IL1RAPL1: variants seen among roughly 807,000 people sequenced by gnomAD.
The protein encoded by IL1RAPL1 is interleukin-1 receptor accessory protein-like 1.
A neutral mutation model predicts 48.4 loss-of-function variants in IL1RAPL1; 3 were observed. That is an observed-to-expected ratio of 0.06 (90% CI 0.03 to 0.16). IL1RAPL1 has a LOEUF of 0.16. IL1RAPL1 is among the 10% of genes least tolerant of loss of function. The pLI is 1.00. For synonymous variants in IL1RAPL1, 185 were observed against 187.7 expected (o/e 0.99, Z 0.12); for missense variants, 349 against 530.6 (o/e 0.66, Z 3.36).
chrX:29,101,622 A>G (rs1180105971), intron 2 of IL1RAPL1, among the ~76,000 whole-genome samples: 1 of 111,958 alleles, frequency 8.9e-6, no homozygotes, highest in East Asian at 2.8e-4. Flanking sequence ...GAGCAGACAT[A>G]ATTCAGCAAC....
intron 2 of IL1RAPL1, among the ~76,000 whole-genome samples, chrX:28,985,703 A>G (rs1283708493): frequency 1.1e-5 from 1 of 94,482 alleles, no homozygotes; most frequent in African/African-American, 4.2e-5. Context: ...TCTGTCGCCC[A>G]GGCTGGAGTG....
intron 1 of IL1RAPL1, among the ~76,000 whole-genome samples, chrX:28,611,667 G>A (rs1165686151): frequency 8.9e-6 from 1 of 112,741 alleles, no homozygotes; most frequent in Non-Finnish European, 1.9e-5. Flanking sequence ...AAAATGTGCC[G>A]TTGGGCAAAT....
At chrX:29,719,239 A>G (rs1233675960) in intron 6 of IL1RAPL1, among the ~76,000 whole-genome samples, 2 of 112,148 alleles carry the variant, frequency 1.8e-5, no homozygotes, top group African/African-American at 6.5e-5. Context: ...CTGTCAGACA[A>G]TGTATTCTCT....
intron 3 of IL1RAPL1, among the ~76,000 whole-genome samples, chrX:29,289,456 C>G (rs1441611283): frequency 5.4e-5 from 6 of 112,041 alleles, no homozygotes; most frequent in African/African-American, 1.9e-4. Context: ...CAATACCAAA[C>G]TGTATTGATT....
At chrX:28,602,104 CAA>C (rs1168499677) in intron 1 of IL1RAPL1, among the ~76,000 whole-genome samples, 6 of 38,217 alleles carry the variant, frequency 1.6e-4, no homozygotes, top group Admixed American at 3.5e-4. Context: ...GACTCCATCT[CAA>C]AAAAAAAAAA....
At chrX:29,836,192 T>C (rs377729055) in intron 6 of IL1RAPL1, among the ~76,000 whole-genome samples, 325 of 32,113 alleles carry the variant, frequency 0.01, no homozygotes, top group African/African-American at 0.017. Flanking sequence ...ATTTTTCTTT[T>C]TTTTTTTTTT....
chrX:29,166,095 G>A (rs958556650), intron 2 of IL1RAPL1, among the ~76,000 whole-genome samples: 28 of 112,278 alleles, frequency 2.5e-4, no homozygotes, highest in African/African-American at 8.1e-4. Context: ...TCAGCATGAG[G>A]CATCAACTCT....
At chrX:29,935,630 G>A (rs1021746103) in intron 8 of IL1RAPL1, among the ~76,000 whole-genome samples, 1 of 111,526 alleles carries the variant, frequency 9.0e-6, no homozygotes, top group African/African-American at 3.3e-5. Flanking sequence ...CATTCCAAGG[G>A]TAGGCTCTAG....
At chrX:29,472,508 T>G (rs1275126521) in intron 5 of IL1RAPL1, among the ~76,000 whole-genome samples, 1 of 112,363 alleles carries the variant, frequency 8.9e-6, no homozygotes, top group Admixed American at 9.5e-5. Flanking sequence ...AAGGCCAGAC[T>G]AATTTATTTA....
chrX:29,372,773 CTTTT>C (rs1160543169), intron 3 of IL1RAPL1, among the ~76,000 whole-genome samples: 10 of 63,484 alleles, frequency 1.6e-4, no homozygotes, highest in African/African-American at 6.3e-4. Context: ...GTCTATGTGT[CTTTT>C]TTTTTTTTTT....
chrX:28,914,551 C>A (rs1469656152), intron 2 of IL1RAPL1, among the ~76,000 whole-genome samples: 2 of 111,996 alleles, frequency 1.8e-5, no homozygotes, highest in East Asian at 5.6e-4. Context: ...ATGTCACCAT[C>A]TTATTTCAGA....
At chrX:29,696,971 C>T (rs965551536) in intron 6 of IL1RAPL1, among the ~76,000 whole-genome samples, 6 of 111,692 alleles carry the variant, frequency 5.4e-5, no homozygotes, top group South Asian at 3.7e-4. Flanking sequence ...TCTATAAAGA[C>T]GTGACTACCA....
chrX:29,828,354 T>C (rs1930789581), intron 6 of IL1RAPL1, among the ~76,000 whole-genome samples: 1 of 111,969 alleles, frequency 8.9e-6, no homozygotes, highest in African/African-American at 3.2e-5. Context: ...AGAGACTAGA[T>C]GATTAAGAAG....
intron 2 of IL1RAPL1, among the ~76,000 whole-genome samples, chrX:28,910,088 G>T (rs1426412360): frequency 3.6e-5 from 4 of 111,407 alleles, no homozygotes; most frequent in Non-Finnish European, 7.6e-5. Context: ...CCACTAATTA[G>T]CTCTTCATTT....
At position 29,202,227 on chromosome X, in the gene IL1RAPL1, A is replaced by T. The variant is rs1006228349; in HGVS notation, c.83-80711A>T. 3.6e-5 allele frequency among the ~76,000 whole-genome samples: 4 copies of T among 112,199 alleles called. No homozygotes were observed. In the South Asian group the frequency reaches 1.5e-3, roughly 41 times the overall value. ...GACATGAACAGAAACTTTTCAATAG[A>T]AGACAGACATACAGCCAACAATCAT... On this transcript the variant is annotated intron_variant, in intron 2 of 10. Transcript: ENST00000378993.
chrX:28,660,042 G>C (rs1173427235), intron 1 of IL1RAPL1, among the ~76,000 whole-genome samples: 1 of 108,475 alleles, frequency 9.2e-6, no homozygotes, highest in Non-Finnish European at 1.9e-5. Flanking sequence ...CACTTCACTT[G>C]TGATAAACCG....
chrX:28,787,955 G>A (rs2147264544), intron 1 of IL1RAPL1, among the ~76,000 whole-genome samples: 1 of 111,782 alleles, frequency 8.9e-6, no homozygotes, highest in South Asian at 3.7e-4. Context: ...AAAAAGAAAA[G>A]AAGCAGAGAG....
intron 6 of IL1RAPL1, among the ~76,000 whole-genome samples, chrX:29,878,419 T>C (rs1025681135): frequency 8.9e-6 from 1 of 112,068 alleles, no homozygotes; most frequent in African/African-American, 3.2e-5. Flanking sequence ...ATTATTATGG[T>C]TATTCTTCTT....
At chrX:28,924,472 C>G (rs1923689641) in intron 2 of IL1RAPL1, among the ~76,000 whole-genome samples, 1 of 111,733 alleles carries the variant, frequency 8.9e-6, no homozygotes, top group Admixed American at 9.5e-5. Context: ...AATAGAAGTA[C>G]ATTGAATCAG....
Sources: allele counts gnomAD v4.1 joint callset (sites outside exome capture counted in the v4.1 genomes callset), GRCh38; gene constraint gnomAD v4.1.1; transcripts MANE v1.5; gene names NCBI Gene and HGNC (gene_info 2026-07-23, HGNC 2026-07-21).